Variants in ACOT7 observed in about 807,000 individuals in gnomAD.
The protein encoded by ACOT7 is cytosolic acyl coenzyme A thioester hydrolase.
In ACOT7, 12 loss-of-function variants were observed where a neutral mutation model predicts 40.2. The ratio of observed to expected loss-of-function variants is 0.30; its 90% CI spans 0.19 to 0.48. The LOEUF (loss-of-function observed/expected upper bound fraction) is 0.48, where lower values mean the gene tolerates loss of function less well. ACOT7 is among the 20% of genes least tolerant of loss of function. ACOT7 has a pLI of 0.99. For synonymous variants in ACOT7, 228 were observed against 219.5 expected (o/e 1.04, Z -0.34); for missense variants, 395 against 530.8 (o/e 0.74, Z 2.51).
At position 6,348,354 on chromosome 1, in the gene ACOT7, A is replaced by G. The variant is rs987297870; in HGVS notation, c.261+1395T>C. ...CGCAGATACACACACACACACACGC[A>G]CACACACACAGCTTCCACTCCTCCA... is the stretch of plus-strand genomic sequence containing the variant. On this transcript the variant is annotated intron_variant, in intron 2 of 8. Transcript: ENST00000361521. Among the ~76,000 whole-genome samples, 31 of 151,636 alleles carry G rather than the reference A, an allele frequency of 2.0e-4. No individual in the cohort carries two copies. The East Asian group carries it at 3.5e-3, about 17-fold the overall frequency.
At chr1:6,269,006 C>T (rs1478766256) in intron 8 of ACOT7, among the ~76,000 whole-genome samples, 2 of 152,336 alleles carry the variant, frequency 1.3e-5, no homozygotes, top group African/African-American at 4.8e-5. Flanking sequence ...GCAGGGACTA[C>T]AGCGATAAGG....
chr1:6,363,526 C>T (rs1302667333), intron 1 of ACOT7, among the ~76,000 whole-genome samples: 1 of 152,180 alleles, frequency 6.6e-6, no homozygotes, highest in African/African-American at 2.4e-5. Context: ...GCACACCTGG[C>T]TCTGCCTTTT....
At chr1:6,360,524 C>T in intron 1 of ACOT7, 1 of 1,609,866 alleles carries the variant, frequency 6.2e-7, no homozygotes, top group Non-Finnish European at 8.5e-7. Context: ...ACACTTCCCT[C>T]CCCTGACCCC....
In ACOT7 at chr1:6,274,796, G is replaced by A. The variant is rs1639140954; in HGVS notation, c.1014+6306C>T. On this transcript the variant is annotated intron_variant, in intron 8 of 8. Coordinates refer to ENST00000361521, the MANE Select transcript of ACOT7 (RefSeq NM_007274.4). The surrounding 1 kb of genome is among the most constrained non-coding windows in gnomAD (Gnocchi z 5.9). ...GAGATCATCTGGGGCTGAAGCAAAG[G>A]CCCTGGGCTGAGCGCGGTGTGGGTG... 6.6e-6 allele frequency among the ~76,000 whole-genome samples: 1 copy of A among 152,196 alleles called. No homozygotes were observed.
intron 8 of ACOT7, among the ~76,000 whole-genome samples, chr1:6,280,095 G>A (rs1040369994): frequency 1.3e-5 from 2 of 152,232 alleles, no homozygotes; most frequent in African/African-American, 4.8e-5. Flanking sequence ...TCAGGGGTCA[G>A]CCTCGCAGGG....
chr1:6,359,547 G>A lies in ACOT7; in HGVS notation c.144-9681C>T, dbSNP rs72858400. 0.089 allele frequency among the ~76,000 whole-genome samples: 13,024 copies of A among 146,894 alleles called. 1,372 individuals carry two copies. The highest frequency in any genetic ancestry group is 0.26 in the African/African-American group (10,422 of 40,010). ...ACTCCACTACCCTTCCTCCACTCCC[G>A]CGGGCTCTTAGGCTGCCGGCTGCCA... On this transcript the variant is annotated intron_variant, in intron 1 of 8. Transcript: ENST00000361521. This position sits in a 1 kb window ranked among gnomAD's most constrained non-coding sequence, Gnocchi z 4.1.
intron 5 of ACOT7, among the ~76,000 whole-genome samples, chr1:6,324,603 C>T (rs190993392): frequency 1.3e-3 from 201 of 152,306 alleles, no homozygotes; most frequent in Non-Finnish European, 2.0e-3. Flanking sequence ...CCCAGCAGTG[C>T]TGCCCACACC....
rs549566350 is a variant in ACOT7, at chr1:6,274,108, G to A, written c.1014+6994C>T. On this transcript the variant is annotated intron_variant, in intron 8 of 8. Transcript: ENST00000361521. This position sits in a 1 kb window ranked among gnomAD's most constrained non-coding sequence, Gnocchi z 5.9. ...GCCCCTCTGCACACCGTGCCTGGGG[G>A]TCAGGCAGGTCCTGGGGGTGGGGAG... Among the ~76,000 whole-genome samples the A allele has an allele frequency of 6.6e-5, 10 of 152,334 alleles. No individual in the cohort carries two copies. The highest frequency in any genetic ancestry group is 3.3e-4 in the Admixed American group (5 of 15,306).
In ACOT7 at chr1:6,311,412, A is replaced by G. The variant is rs1640327166; in HGVS notation, c.712+7080T>C. On this transcript the variant is annotated intron_variant, in intron 6 of 8. Coordinates refer to ENST00000361521, the MANE Select transcript of ACOT7 (RefSeq NM_007274.4). This position sits in a 1 kb window ranked among gnomAD's most constrained non-coding sequence, Gnocchi z 5.2. ...CCACATCTAGGCTGAAATGAGAGAG[A>G]CAGGCTGATGTACCACAAAGGTGCG... Among the ~76,000 whole-genome samples, 1 of 152,170 alleles carries G rather than the reference A, an allele frequency of 6.6e-6. No homozygotes were observed. Among genetic ancestry groups the G allele is most frequent in the East Asian group, 1.9e-4 (1 of 5,188 alleles).
chr1:6,333,833 C>A (rs952314832), intron 3 of ACOT7, among the ~76,000 whole-genome samples: 3 of 151,846 alleles, frequency 2.0e-5, no homozygotes, highest in African/African-American at 7.3e-5. Flanking sequence ...CTGCGTGGGG[C>A]CCACCCCCAT....
intron 1 of ACOT7, among the ~76,000 whole-genome samples, chr1:6,351,379 T>C (rs1029412193): frequency 4.6e-5 from 7 of 152,290 alleles, no homozygotes; most frequent in African/African-American, 1.2e-4. Context: ...GCTTCTCAAG[T>C]GTTCATTTTA....
chr1:6,360,896 A>G (rs1436327488), intron 1 of ACOT7, among the ~76,000 whole-genome samples: 1 of 152,188 alleles, frequency 6.6e-6, no homozygotes, highest in East Asian at 1.9e-4. Flanking sequence ...CCACAACCAG[A>G]TGGTCCCGCA....
At chr1:6,270,998 A>G (rs2148365840) in intron 8 of ACOT7, among the ~76,000 whole-genome samples, 1 of 152,230 alleles carries the variant, frequency 6.6e-6, no homozygotes, top group Middle Eastern at 3.4e-3. Flanking sequence ...CTCAGGGAGC[A>G]CCGCCTGGCA....
intron 6 of ACOT7, among the ~76,000 whole-genome samples, chr1:6,305,114 G>A (rs1640096975): frequency 6.8e-6 from 1 of 146,612 alleles, no homozygotes; most frequent in Non-Finnish European, 1.5e-5. Context: ...GGCTGGCCGG[G>A]CAGAGGGGCT....
chr1:6,270,489 C>T (rs1432351475), intron 8 of ACOT7, among the ~76,000 whole-genome samples: 1 of 152,160 alleles, frequency 6.6e-6, no homozygotes, highest in Non-Finnish European at 1.5e-5. Context: ...CAAGAATATG[C>T]CAGAGAGAAA....
At chr1:6,307,010 C>T in intron 6 of ACOT7, 1 of 1,034,590 alleles carries the variant, frequency 9.7e-7, no homozygotes, top group Non-Finnish European at 1.3e-6. Context: ...TCTGCCTCCT[C>T]CTATAGTCTC....
chr1:6,280,264 C>T (rs1639317003), intron 8 of ACOT7, among the ~76,000 whole-genome samples: 2 of 152,244 alleles, frequency 1.3e-5, no homozygotes, highest in South Asian at 2.1e-4. Context: ...CAGTGACAGA[C>T]ACAAGAGCTG....
chr1:6,303,240 C>T (rs901767740), intron 6 of ACOT7, among the ~76,000 whole-genome samples: 1 of 152,144 alleles, frequency 6.6e-6, no homozygotes, highest in South Asian at 2.1e-4. Flanking sequence ...AGGCAGTCCT[C>T]ATCTCCCAAG....
chr1:6,381,210 C>T (rs1293509853), intron 1 of ACOT7, among the ~76,000 whole-genome samples: 1 of 151,752 alleles, frequency 6.6e-6, no homozygotes, highest in Non-Finnish European at 1.5e-5. Flanking sequence ...AAAATATATA[C>T]ATGGATACTT....
Sources: gnomAD v4.1 joint callset for allele counts (sites outside exome capture counted in the v4.1 genomes callset) on GRCh38, gnomAD v4.1.1 for gene constraint, Gnocchi (gnomAD v3.1) non-coding constraint, MANE v1.5 for transcripts, NCBI Gene and HGNC (gene_info 2026-07-23, HGNC 2026-07-21) for gene names.